The following TRIM66 variants were observed in gnomAD, a reference collection of about 807,000 sequenced individuals.
TRIM66 encodes tripartite motif containing 66.
Under a neutral mutation model 148.2 loss-of-function variants are expected in TRIM66, and 99 were observed. That is an observed-to-expected ratio of 0.67 (90% confidence interval 0.57 to 0.79). The LOEUF (loss-of-function observed/expected upper bound fraction) is 0.79. Among genes scored for constraint, TRIM66 ranks in the 30% least tolerant of loss-of-function variants. TRIM66 has a pLI of 0.00. For missense variants in TRIM66, 1,666 were observed against 1,697.9 expected, an observed-to-expected ratio of 0.98 and a Z score of 0.33; for synonymous variants, 616 against 635.9, an observed-to-expected ratio of 0.97 and a Z score of 0.47.
chr11:8,670,232 C>G (rs988974345), intron 6 of TRIM66, among the ~76,000 whole-genome samples: 1 of 152,062 alleles, frequency 6.6e-6, no homozygotes, highest in Admixed American at 6.5e-5. Context: ...AGGCTGGTCT[C>G]GAACTCCTGA....
rs1432977573 is a variant in TRIM66 at position 8,625,217 on chromosome 11, C to T, written c.2322G>A (p.Ser774=). Residue 774 remains serine (S), a synonymous_variant, in exon 16 of 25, where the codon TCG becomes TCA. Transcript: ENST00000646038. ...TGTTGGAAAAGCCCATGATGCTCAG[C>T]GAGGTGGAGTGCTGCAGGAACAGAG... ...SPNVVRKHST[S]LSIMGFSNTL... is the part of the protein sequence containing the mutation. 2.3e-5 allele frequency: 34 copies of T among 1,500,394 alleles called. No homozygotes were observed. Among genetic ancestry groups the T allele is most frequent in the Non-Finnish European group, 2.9e-5 (32 of 1,118,526 alleles). The allele number at this position is 1,500,394 out of a possible 1,614,324, so 92.9% of individuals were successfully genotyped here.
At position 8,617,824 on chromosome 11, in the gene TRIM66, A is replaced by G; in HGVS notation, c.*120T>C. On this transcript the variant is annotated 3_prime_UTR_variant, in exon 25 of 25. Transcript: ENST00000646038. Reference sequence around the variant, plus strand: ...GATGCAAATGGCAAAGAAGAGCACTACACAGTTCAACAAGACTCATCTACC... The same window carrying G: ...GATGCAAATGGCAAAGAAGAGCACTGCACAGTTCAACAAGACTCATCTACC... 5.3e-6 allele frequency: 5 copies of G among 947,152 alleles called. No homozygotes were observed. The highest frequency in any genetic ancestry group is 8.3e-6 in the Non-Finnish European group (5 of 604,572). The allele number at this position is 947,152 out of a possible 1,614,324, so 58.7% of individuals were successfully genotyped here. A position where few individuals can be genotyped will look rare whatever the true frequency, so the allele number is the denominator to read the frequency against.
chr11:8,664,624 T>C (rs2038474008), intron 6 of TRIM66, among the ~76,000 whole-genome samples: 1 of 152,200 alleles, frequency 6.6e-6, no homozygotes, highest in Non-Finnish European at 1.5e-5. Flanking sequence ...ATGCATTTTG[T>C]AACTCCCACT....
rs533905285 is a variant in TRIM66, at chr11:8,681,379, C to A, written c.-548+1222G>T. On this transcript the variant is annotated intron_variant, in intron 1 of 24. Coordinates refer to ENST00000646038, the MANE Select transcript of TRIM66 (RefSeq NM_001388022.1). ...CGATCTCCTGACCTCGTGATCCGCC[C>A]GCCTCGGCCTTCCAAAGTGCTGGGA... Among the ~76,000 whole-genome samples the A allele has an allele frequency of 2.4e-4, 37 of 152,100 alleles. 1 individual carries two copies. The highest frequency in any genetic ancestry group is 6.8e-3 in the Middle Eastern group (2 of 292).
In TRIM66 at chr11:8,625,463, T is replaced by TTTTGTGTGTGTGTG. The variant is rs1174364345; in HGVS notation, c.2311-236_2311-235insCACACACACACAAA. Reference sequence around the variant, plus strand: ...AGAGAGAGGCACAAGCGGAGAACTATTGTGTGTGTGTGTGTGTGTGTGTGT... The same window carrying TTTTGTGTGTGTGTG: ...AGAGAGAGGCACAAGCGGAGAACTATTTTGTGTGTGTGTGTGTGTGTGTGTGTGTGTGTGTGTGT... On this transcript the variant is annotated intron_variant, in intron 15 of 24. Coordinates refer to ENST00000646038, the MANE Select transcript of TRIM66 (RefSeq NM_001388022.1). 4.0e-5 allele frequency among the ~76,000 whole-genome samples: 6 copies of TTTTGTGTGTGTGTG among 148,250 alleles called. No individual in the cohort carries two copies. The East Asian group carries it at 6.3e-4, about 16-fold the overall frequency.
At chr11:8,670,733 G>A (rs1782502018) in intron 6 of TRIM66, among the ~76,000 whole-genome samples, 1 of 152,056 alleles carries the variant, frequency 6.6e-6, no homozygotes, top group Non-Finnish European at 1.5e-5. Context: ...TTAAGATTAA[G>A]GAAAAACTAA....
At chr11:8,667,750 C>G (rs1399440094) in intron 6 of TRIM66, among the ~76,000 whole-genome samples, 1 of 152,216 alleles carries the variant, frequency 6.6e-6, no homozygotes, top group Non-Finnish European at 1.5e-5. Flanking sequence ...AACTTCCTTC[C>G]TTATTAAGGC....
chr11:8,623,792 A>G (rs2034537927), intron 17 of TRIM66, among the ~76,000 whole-genome samples: 1 of 152,200 alleles, frequency 6.6e-6, no homozygotes, highest in Non-Finnish European at 1.5e-5. Context: ...CTTCACTATG[A>G]GGCACAACAC....
Position 8,614,059 on chromosome 11 carries a change from C to T in TRIM66, c.*3885G>A, listed in dbSNP as rs1200888854. 2 of 152,342 alleles carry T rather than the reference C, an allele frequency of 1.3e-5. No individual in the cohort carries two copies. The highest frequency in any genetic ancestry group is 1.3e-4 in the Admixed American group (2 of 15,280). 9.4% of individuals were successfully genotyped at this position (152,342 alleles called of 1,614,324 possible). On this transcript the variant is annotated 3_prime_UTR_variant, in exon 25 of 25. Transcript: ENST00000646038. ...TTCAGCAAAATTGAAGGGGATACGCCTGGCGCAGTGGCTCACGCCTGTAAT... is the reference window on the plus strand; with the variant it reads ...TTCAGCAAAATTGAAGGGGATACGCTTGGCGCAGTGGCTCACGCCTGTAAT...
chr11:8,671,891 C>A lies in TRIM66; in HGVS notation c.235G>T (p.Gly79Cys), dbSNP rs181618770. The change falls in exon 6 of 25, where the codon GGC becomes TGC. Residue 79 changes from glycine (G) to cysteine (C), a missense_variant. Physicochemically the swap from Gly to Cys is radical, Grantham distance 159. Transcript: ENST00000646038. ...SLCHQDLPGM[G>C]SHLLSCQHLL... The stretch of plus-strand genomic sequence containing the variant: ...TGCTGGCAGGATAGGAGATGAGAGC[C>A]CATACCTGGCAGGTCCTGATGGCAC... The A allele has an allele frequency of 5.1e-5, 79 of 1,536,138 alleles. No homozygotes were observed. The East Asian group carries it at 1.9e-3, about 37-fold the overall frequency.
intron 9 of TRIM66, 32 bp from the exon 10 acceptor site, chr11:8,648,118 G>A (rs1165744674): frequency 2.6e-6 from 4 of 1,521,502 alleles, no homozygotes; most frequent in Non-Finnish European, 2.7e-6. Flanking sequence ...AAGCTGAGAA[G>A]GGCTGAGTCC....
intron 6 of TRIM66, among the ~76,000 whole-genome samples, chr11:8,669,433 C>G (rs542152656): frequency 6.6e-6 from 1 of 152,264 alleles, no homozygotes; most frequent in Admixed American, 6.5e-5. Context: ...CACTTGAGGT[C>G]AGGAGTTCAA....
intron 15 of TRIM66, among the ~76,000 whole-genome samples, chr11:8,628,597 A>T (rs938801392): frequency 2.3e-5 from 3 of 132,892 alleles, no homozygotes; most frequent in Non-Finnish European, 4.7e-5. Context: ...TAGGCAACAG[A>T]GGAAGACCCT....
chr11:8,657,190 A>G (rs536624144), intron 6 of TRIM66, among the ~76,000 whole-genome samples: 1 of 152,330 alleles, frequency 6.6e-6, no homozygotes, highest in Admixed American at 6.5e-5. Flanking sequence ...GTATCGGGTC[A>G]GCTTAGGCCA....
intron 6 of TRIM66, among the ~76,000 whole-genome samples, chr11:8,668,057 T>A (rs1354091871): frequency 1.3e-5 from 2 of 152,380 alleles, no homozygotes; most frequent in Admixed American, 1.3e-4. Context: ...TTTCTCTACA[T>A]TCTTGTCAAC....
chr11:8,673,537 T>C (rs569643177), intron 4 of TRIM66, among the ~76,000 whole-genome samples: 88 of 152,266 alleles, frequency 5.8e-4, no homozygotes, highest in African/African-American at 2.0e-3. Context: ...ATGATGCATG[T>C]TTTACAGTAC....
intron 3 of TRIM66, among the ~76,000 whole-genome samples, chr11:8,677,327 T>C (rs1420948660): frequency 6.6e-6 from 1 of 152,252 alleles, no homozygotes; most frequent in Non-Finnish European, 1.5e-5. Context: ...CAATTGTACC[T>C]GCCCCTCACT....
At chr11:8,619,330 A>T in intron 23 of TRIM66, 53 bp downstream of exon 23, 189 of 1,063,736 alleles carry the variant, frequency 1.8e-4, no homozygotes, top group Non-Finnish European at 2.3e-4. Context: ...CCCACCCATG[A>T]CAGTCCTGGG....
chr11:8,629,835 G>T (rs988945768), intron 15 of TRIM66, among the ~76,000 whole-genome samples: 18 of 152,172 alleles, frequency 1.2e-4, no homozygotes, highest in African/African-American at 4.3e-4. Context: ...AGGAGAGGGG[G>T]TGAAGCTCTG....
Sources: gnomAD v4.1 joint callset for allele counts (sites outside exome capture counted in the v4.1 genomes callset) on GRCh38, gnomAD v4.1.1 for gene constraint, MANE v1.5 for transcripts, NCBI Gene and HGNC (gene_info 2026-07-23, HGNC 2026-07-21) for gene names.